Variants in TMCC1 observed in about 807,000 individuals in gnomAD.
TMCC1 encodes the protein transmembrane and coiled-coil domain family 1.
TMCC1 carries 15 observed loss-of-function variants against 52.4 expected under a neutral mutation model. That is an observed-to-expected ratio of 0.29 (90% CI 0.19 to 0.44). The LOEUF is 0.44. Ranked by LOEUF, TMCC1 falls within the 20% of genes least tolerant of loss-of-function variation. The pLI, the probability that TMCC1 is intolerant of heterozygous loss-of-function variation, is 1.00. For missense variants in TMCC1, 503 were observed against 806.0 expected (o/e 0.62, Z 4.55); for synonymous variants, 279 against 301.9 (o/e 0.92, Z 0.79).
At chr3:129,844,978 G>A (rs2070652023) in intron 2 of TMCC1, among the ~76,000 whole-genome samples, 4 of 152,122 alleles carry the variant, frequency 2.6e-5, no homozygotes, top group Admixed American at 2.6e-4. Context: ...ATGAATCCTA[G>A]CCTATTAAGA....
chr3:129,720,179 C>G (rs2049451533), intron 4 of TMCC1, among the ~76,000 whole-genome samples: 1 of 116,350 alleles, frequency 8.6e-6, no homozygotes. Flanking sequence ...AAGACCCTGT[C>G]TCAAAAAAAA....
chr3:129,652,489 A>C (rs943569205), intron 6 of TMCC1, among the ~76,000 whole-genome samples: 2 of 152,208 alleles, frequency 1.3e-5, no homozygotes, highest in Non-Finnish European at 2.9e-5. Context: ...AATAGAGATC[A>C]TAAGACTGAC....
intron 2 of TMCC1, among the ~76,000 whole-genome samples, chr3:129,855,307 G>A (rs2060103600): frequency 6.6e-6 from 1 of 152,062 alleles, no homozygotes; most frequent in East Asian, 1.9e-4. Flanking sequence ...ACCTCATTGA[G>A]TTTTTCTTAA....
rs191249971 is a variant in TMCC1 at position 129,881,434 on chromosome 3, T to C, written c.-434-875A>G. Among the ~76,000 whole-genome samples the C allele has an allele frequency of 1.2e-3, 185 of 152,272 alleles. 1 individual carries two copies. Among genetic ancestry groups the C allele is most frequent in the Admixed American group, 0.011 (165 of 15,288 alleles). ...ACAGAGCAACCATTCTGGCAACTTA[T>C]AAAACAAATATCATAGAACTACTAA... On this transcript the variant is annotated intron_variant, in intron 1 of 6. Transcript: ENST00000393238.
At chr3:129,775,524 G>T (rs2054969293) in intron 4 of TMCC1, among the ~76,000 whole-genome samples, 1 of 152,096 alleles carries the variant, frequency 6.6e-6, no homozygotes, top group South Asian at 2.1e-4. Flanking sequence ...AAGCCACTGG[G>T]TACACATCGT....
chr3:129,846,894 A>T (rs1001530012), intron 2 of TMCC1, among the ~76,000 whole-genome samples: 4 of 113,652 alleles, frequency 3.5e-5, no homozygotes, highest in Non-Finnish European at 3.7e-5. Context: ...AAAAAAAAAA[A>T]GGGCAGGAGG....
intron 4 of TMCC1, among the ~76,000 whole-genome samples, chr3:129,727,033 A>G (rs141261039): frequency 1.3e-5 from 2 of 151,994 alleles, no homozygotes; most frequent in African/African-American, 4.8e-5. Context: ...TGTTCTTTCT[A>G]CTAAACCATG....
At chr3:129,689,499 G>C (rs2108944848) in intron 4 of TMCC1, among the ~76,000 whole-genome samples, 1 of 152,284 alleles carries the variant, frequency 6.6e-6, no homozygotes, top group East Asian at 1.9e-4. Flanking sequence ...ATGCAGAAAG[G>C]AATCAGACAT....
In TMCC1 at chr3:129,827,961, T is replaced by G; in HGVS notation, c.418A>C (p.Lys140Gln). 1 of 1,614,102 alleles carries G rather than the reference T, an allele frequency of 6.2e-7. No homozygotes were observed. Among genetic ancestry groups the G allele is most frequent in the Non-Finnish European group, 8.5e-7 (1 of 1,179,992 alleles). ...APKGSPQINR[K>Q]SGQEMTAVMQ... ...ACAGCTGTCATCTCCTGACCAGACT[T>G]CCTGTTGATTTGGGGACTTCCCTTT... is the stretch of plus-strand genomic sequence containing the variant. Residue 140 changes from lysine (K) to glutamine (Q), a missense_variant, in exon 4 of 7, where the codon AAG becomes CAG. Around this residue, in one of 7 missense-constraint regions of TMCC1, gnomAD observed 217 missense variants for 297.9 expected, o/e 0.73. Transcript: ENST00000393238.
At chr3:129,889,134 T>C (rs2061849949) in intron 1 of TMCC1, among the ~76,000 whole-genome samples, 1 of 152,164 alleles carries the variant, frequency 6.6e-6, no homozygotes, top group East Asian at 1.9e-4. Context: ...TAGCAGAGCA[T>C]GATGGCACAC....
chr3:129,720,201 A>AAG (rs1303384260), intron 4 of TMCC1, among the ~76,000 whole-genome samples: 86 of 151,242 alleles, frequency 5.7e-4, no homozygotes, highest in African/African-American at 2.0e-3. Context: ...AAAAAAAAAA[A>AAG]AGAGATGGAA....
chr3:129,837,045 C>G (rs1411557583), intron 2 of TMCC1, among the ~76,000 whole-genome samples: 2 of 152,166 alleles, frequency 1.3e-5, no homozygotes, highest in Non-Finnish European at 2.9e-5. Context: ...GAAGCTGACA[C>G]CCAATTTTCA....
intron 4 of TMCC1, among the ~76,000 whole-genome samples, chr3:129,679,887 T>G (rs2088819528): frequency 6.6e-6 from 1 of 151,936 alleles, no homozygotes; most frequent in Non-Finnish European, 1.5e-5. Context: ...GGGTGTGCTA[T>G]GTTCCACTCT....
chr3:129,754,410 C>T (rs1383818318), intron 4 of TMCC1, among the ~76,000 whole-genome samples: 2 of 152,044 alleles, frequency 1.3e-5, no homozygotes, highest in Non-Finnish European at 2.9e-5. Context: ...TTAGAATAGA[C>T]AAACCATTCT....
At chr3:129,856,414 C>G (rs2060148932) in intron 2 of TMCC1, among the ~76,000 whole-genome samples, 3 of 152,280 alleles carry the variant, frequency 2.0e-5, no homozygotes, top group South Asian at 4.1e-4. Context: ...CCAGTAGTGT[C>G]AGAATTCCAT....
At chr3:129,849,461 C>CAA (rs564418353) in intron 2 of TMCC1, among the ~76,000 whole-genome samples, 86 of 132,752 alleles carry the variant, frequency 6.5e-4, no homozygotes, top group African/African-American at 2.2e-3. Flanking sequence ...GACTCCATCT[C>CAA]AAAAAAAAAA....
At chr3:129,722,785 C>G (rs1445619517) in intron 4 of TMCC1, among the ~76,000 whole-genome samples, 4 of 152,088 alleles carry the variant, frequency 2.6e-5, no homozygotes, top group Admixed American at 2.0e-4. Flanking sequence ...AACCTCAGAA[C>G]AAACAGAGAT....
intron 4 of TMCC1, among the ~76,000 whole-genome samples, chr3:129,684,560 C>A (rs776240630): frequency 1.2e-3 from 189 of 152,028 alleles, no homozygotes; most frequent in Non-Finnish European, 2.2e-3. Context: ...TGGACTTACT[C>A]CAGAAGAATG....
intron 2 of TMCC1, among the ~76,000 whole-genome samples, chr3:129,871,444 ACTTAAAT>A (rs1343938457): frequency 1.7e-4 from 26 of 151,952 alleles, no homozygotes; most frequent in Non-Finnish European, 8.8e-5. Context: ...CCTCATACGT[ACTTAAAT>A]CATCTTGATT....
Sources: allele counts gnomAD v4.1 joint callset (sites outside exome capture counted in the v4.1 genomes callset), GRCh38; gene constraint gnomAD v4.1.1; regional missense constraint gnomAD v4.1.1; transcripts MANE v1.5; gene names NCBI Gene and HGNC (gene_info 2026-07-23, HGNC 2026-07-21).